Variants in GPC6 observed in about 807,000 individuals in gnomAD.
GPC6 encodes glypican 6.
A neutral mutation model predicts 55.2 loss-of-function variants in GPC6; 14 were observed. The observed-to-expected ratio is 0.25, with a 90% CI of 0.17 to 0.40. The LOEUF (loss-of-function observed/expected upper bound fraction) is 0.40, where lower values mean the gene tolerates loss of function less well. Among genes scored for constraint, GPC6 ranks in the 10% least tolerant of loss-of-function variants. GPC6 has a pLI of 1.00. For synonymous variants in GPC6, 278 were observed against 259.6 expected (o/e 1.07, Z -0.68); for missense variants, 641 against 708.5 (o/e 0.90, Z 1.08).
intron 1 of GPC6, among the ~76,000 whole-genome samples, chr13:93,325,994 A>T (rs1352475270): frequency 6.6e-6 from 1 of 152,138 alleles, no homozygotes; most frequent in Admixed American, 6.5e-5. Context: ...AGAGTAACAT[A>T]GTCGTGGTTT....
At chr13:93,673,491 C>T (rs533472833) in intron 2 of GPC6, among the ~76,000 whole-genome samples, 28 of 152,082 alleles carry the variant, frequency 1.8e-4, no homozygotes, top group South Asian at 6.2e-4. Flanking sequence ...GCAGCCTGGA[C>T]GACAAGAGTA....
At chr13:94,365,381 T>A (rs1244354764) in intron 6 of GPC6, among the ~76,000 whole-genome samples, 2 of 152,196 alleles carry the variant, frequency 1.3e-5, no homozygotes, top group Non-Finnish European at 2.9e-5. Context: ...AAATCTTTGG[T>A]ATTTGAACTC....
chr13:94,163,236 A>G (rs1315975782), intron 4 of GPC6, among the ~76,000 whole-genome samples: 1 of 152,196 alleles, frequency 6.6e-6, no homozygotes, highest in African/African-American at 2.4e-5. Flanking sequence ...TAGGTGGAAC[A>G]GTATCTGGCG....
intron 4 of GPC6, among the ~76,000 whole-genome samples, chr13:94,266,714 T>G (rs1370103248): frequency 6.6e-6 from 1 of 152,230 alleles, no homozygotes; most frequent in Non-Finnish European, 1.5e-5. Flanking sequence ...GTCATCACAC[T>G]GAATGATAAT....
At chr13:93,591,562 T>G (rs1468182749) in intron 2 of GPC6, among the ~76,000 whole-genome samples, 1 of 152,152 alleles carries the variant, frequency 6.6e-6, no homozygotes, top group Non-Finnish European at 1.5e-5. Context: ...TATAGTCTGA[T>G]GATTTTATAT....
intron 1 of GPC6, among the ~76,000 whole-genome samples, chr13:93,451,608 A>T (rs538931490): frequency 6.6e-6 from 1 of 152,364 alleles, no homozygotes; most frequent in East Asian, 1.9e-4. Context: ...ATAGCCACAG[A>T]GTTGAGTAGT....
intron 1 of GPC6, among the ~76,000 whole-genome samples, chr13:93,364,706 C>CAT (rs1566318754): frequency 6.9e-6 from 1 of 145,510 alleles, no homozygotes; most frequent in African/African-American, 2.7e-5. Context: ...TACACACACA[C>CAT]ATATATATAC....
intron 2 of GPC6, among the ~76,000 whole-genome samples, chr13:93,688,052 C>T (rs1882114213): frequency 6.6e-6 from 1 of 151,980 alleles, no homozygotes; most frequent in Non-Finnish European, 1.5e-5. Context: ...AAAGAAAGCT[C>T]TTGAGAATAT....
At chr13:94,110,138 G>A (rs1019005571) in intron 4 of GPC6, among the ~76,000 whole-genome samples, 2 of 151,304 alleles carry the variant, frequency 1.3e-5, no homozygotes, top group Admixed American at 1.3e-4. Context: ...AGCATCTGCA[G>A]AAGTCTTAAT....
At chr13:93,383,244 C>T (rs1044540895) in intron 1 of GPC6, among the ~76,000 whole-genome samples, 2 of 152,166 alleles carry the variant, frequency 1.3e-5, no homozygotes, top group African/African-American at 2.4e-5. Flanking sequence ...TAGGGTCTCA[C>T]TCTGCTGTCC....
intron 1 of GPC6, among the ~76,000 whole-genome samples, chr13:93,326,813 C>G (rs538671513): frequency 6.6e-6 from 1 of 152,004 alleles, no homozygotes. Context: ...AAATGTCCAG[C>G]GAACATTTTT....
intron 4 of GPC6, among the ~76,000 whole-genome samples, chr13:94,170,153 C>G (rs141891176): frequency 6.6e-6 from 1 of 152,186 alleles, no homozygotes; most frequent in Non-Finnish European, 1.5e-5. Flanking sequence ...AAAACACAGA[C>G]AGGCACGTGA....
At chr13:93,787,829 A>G (rs373956428) in intron 2 of GPC6, among the ~76,000 whole-genome samples, 3 of 152,082 alleles carry the variant, frequency 2.0e-5, no homozygotes, top group East Asian at 1.9e-4. Flanking sequence ...TCCCCTCACT[A>G]TCTTTTAGCA....
At chr13:93,813,429 T>C (rs1331953227) in intron 2 of GPC6, among the ~76,000 whole-genome samples, 1 of 152,142 alleles carries the variant, frequency 6.6e-6, no homozygotes, top group Non-Finnish European at 1.5e-5. Flanking sequence ...GGGGATAATG[T>C]AATCTCATAT....
intron 6 of GPC6, among the ~76,000 whole-genome samples, chr13:94,330,256 GCC>G (rs1028471210): frequency 7.3e-6 from 1 of 137,032 alleles, no homozygotes; most frequent in Non-Finnish European, 1.6e-5. Flanking sequence ...AGATCCTGGG[GCC>G]AGCAAAATTT....
intron 2 of GPC6, among the ~76,000 whole-genome samples, chr13:93,677,032 G>A (rs1034633348): frequency 6.6e-6 from 1 of 152,062 alleles, no homozygotes; most frequent in African/African-American, 2.4e-5. Flanking sequence ...AGTGTGTTTT[G>A]TTTTGTTTAT....
intron 4 of GPC6, among the ~76,000 whole-genome samples, chr13:94,145,218 C>G (rs971285289): frequency 5.9e-5 from 9 of 151,940 alleles, no homozygotes; most frequent in Admixed American, 2.6e-4. Context: ...AAAATCTATA[C>G]TTGGCCATTT....
At chr13:93,597,384 C>T (rs1201346205) in intron 2 of GPC6, among the ~76,000 whole-genome samples, 1 of 152,144 alleles carries the variant, frequency 6.6e-6, no homozygotes, top group East Asian at 1.9e-4. Context: ...TACACATTAG[C>T]ACTGTAAATG....
chr13:93,401,691 T>TC (rs1876089548), intron 1 of GPC6, among the ~76,000 whole-genome samples: 1 of 8,172 alleles, frequency 1.2e-4, no homozygotes, highest in Non-Finnish European at 3.0e-3. Flanking sequence ...TGAATGGACT[T>TC]TTTTTTTTTT....
Sources: gnomAD v4.1 joint callset for allele counts (sites outside exome capture counted in the v4.1 genomes callset) on GRCh38, gnomAD v4.1.1 for gene constraint, MANE v1.5 for transcripts, NCBI Gene and HGNC (gene_info 2026-07-23, HGNC 2026-07-21) for gene names.